ACSM1: variants seen among roughly 807,000 people sequenced by gnomAD.
The protein encoded by ACSM1 is acyl-CoA synthetase medium chain family member 1, also known as acyl-coenzyme A synthetase ACSM1, mitochondrial.
ACSM1 carries 79 observed loss-of-function variants against 75.8 expected under a neutral mutation model. The ratio of observed to expected loss-of-function variants is 1.04; its 90% CI spans 0.87 to 1.26. The LOEUF (loss-of-function observed/expected upper bound fraction) is 1.26, where lower values mean the gene tolerates loss of function less well. ACSM1 is among the 50% of genes most tolerant of loss of function. The pLI is 0.00. For missense variants in ACSM1, 676 were observed against 720.1 expected, an observed-to-expected ratio of 0.94 and a Z score of 0.70; for synonymous variants, 279 against 265.8, an observed-to-expected ratio of 1.05 and a Z score of -0.48.
intron 7 of ACSM1, among the ~76,000 whole-genome samples, chr16:20,658,194 A>C (rs928609544): frequency 5.9e-5 from 9 of 152,182 alleles, no homozygotes; most frequent in African/African-American, 1.4e-4. Context: ...CTGTCTTCCA[A>C]AATGGTTGAA....
rs867520261 is a variant in ACSM1 at position 20,685,828 on chromosome 16, A to C, written c.193-425T>G. 1.6e-4 allele frequency among the ~76,000 whole-genome samples: 17 copies of C among 107,338 alleles called. 2 individuals carry two copies. Among genetic ancestry groups the C allele is most frequent in the Non-Finnish European group, 3.2e-4 (15 of 46,582 alleles). The allele number at this position is 107,338 out of a possible 152,430, so 70.4% of individuals were successfully genotyped here. ...CAGTGAGACTCCGTCTCAAAAAAAAAAAACAAACAAAAAAAAAACAAAAAA... is the reference window on the plus strand; with the variant it reads ...CAGTGAGACTCCGTCTCAAAAAAAACAAACAAACAAAAAAAAAACAAAAAA... On this transcript the variant is annotated intron_variant, in intron 2 of 13. Transcript: ENST00000520010.
intron 4 of ACSM1, chr16:20,679,878 G>C (rs911144116): frequency 6.6e-6 from 1 of 152,108 alleles, no homozygotes; most frequent in African/African-American, 2.4e-5. Context: ...GAGAGTTATA[G>C]CTCGAACAAA....
At chr16:20,692,058 C>A (rs1206424105) in intron 1 of ACSM1, among the ~76,000 whole-genome samples, 1 of 152,182 alleles carries the variant, frequency 6.6e-6, no homozygotes, top group Admixed American at 6.5e-5. Flanking sequence ...CCAAAAGATT[C>A]TCCTTTGCCT....
rs2019330300 is a variant in ACSM1, at chr16:20,662,060, C to T, written c.913-187G>A. 2.0e-5 allele frequency among the ~76,000 whole-genome samples: 3 copies of T among 152,114 alleles called. 1 individual carries two copies. Among genetic ancestry groups the T allele is most frequent in the East Asian group, 3.8e-4 (2 of 5,202 alleles). ...TGCATCAGGTACTGTTGGGGAAATA[C>T]AAAAACGCAGATAACGTTCCAACTC... On this transcript the variant is annotated intron_variant, in intron 6 of 13. Coordinates refer to ENST00000520010, the MANE Select transcript of ACSM1 (RefSeq NM_001318890.3).
intron 4 of ACSM1, among the ~76,000 whole-genome samples, chr16:20,678,923 C>G (rs999512945): frequency 6.6e-6 from 1 of 152,102 alleles, no homozygotes; most frequent in African/African-American, 2.4e-5. Context: ...CCGGCCACCC[C>G]CCATCATCTG....
intron 7 of ACSM1, among the ~76,000 whole-genome samples, chr16:20,647,404 G>A (rs1263468490): frequency 3.3e-5 from 5 of 152,160 alleles, no homozygotes; most frequent in Admixed American, 3.3e-4. Context: ...CTGAATACAA[G>A]AGACCCTAAT....
chr16:20,637,784 C>T (rs1223044992), intron 8 of ACSM1, among the ~76,000 whole-genome samples: 1 of 152,192 alleles, frequency 6.6e-6, no homozygotes, highest in Non-Finnish European at 1.5e-5. Flanking sequence ...CACCATTGAA[C>T]AGGCATGTGT....
At chr16:20,670,479 C>A (rs538810682) in intron 5 of ACSM1, among the ~76,000 whole-genome samples, 2 of 152,222 alleles carry the variant, frequency 1.3e-5, no homozygotes, top group Non-Finnish European at 2.9e-5. Flanking sequence ...TCCAATCCAT[C>A]CTGCATCCTG....
chr16:20,672,862 A>G (rs2020035581), intron 4 of ACSM1, among the ~76,000 whole-genome samples: 1 of 130,272 alleles, frequency 7.7e-6, no homozygotes, highest in South Asian at 2.2e-4. Flanking sequence ...TATGTAATAT[A>G]TAATATATAA....
chr16:20,671,440 G>C (rs1396050083), intron 5 of ACSM1, 91 bp downstream of exon 5: 29 of 970,672 alleles, frequency 3.0e-5, no homozygotes, highest in Admixed American at 7.1e-5. Flanking sequence ...CCTTTCCCAA[G>C]ACACACACAC....
In ACSM1 at chr16:20,648,041, G is replaced by A. The variant is rs577936326; in HGVS notation, c.993-7457C>T. 6.6e-5 allele frequency among the ~76,000 whole-genome samples: 10 copies of A among 152,204 alleles called. No homozygotes were observed. Among genetic ancestry groups the A allele is most frequent in the East Asian group, 1.9e-4 (1 of 5,162 alleles). On this transcript the variant is annotated intron_variant, in intron 7 of 13. Coordinates refer to ENST00000520010, the MANE Select transcript of ACSM1 (RefSeq NM_001318890.3). This position sits in a 1 kb window ranked among gnomAD's most constrained non-coding sequence, Gnocchi z 4.2. Reference sequence around the variant, plus strand: ...CAGGAACTTTGCAGCCTCCACAGTCGCGATGGCCCCCTGCTCCCACTTTAC... The same window carrying A: ...CAGGAACTTTGCAGCCTCCACAGTCACGATGGCCCCCTGCTCCCACTTTAC...
chr16:20,682,550 A>G (rs1300154470), intron 3 of ACSM1, 87 bp from the exon 4 acceptor site: 2 of 1,038,608 alleles, frequency 1.9e-6, no homozygotes, highest in Non-Finnish European at 2.9e-6. Context: ...GAAATACCCT[A>G]ACTTCTTGTT....
At chr16:20,635,370 G>A (rs1049386594) in intron 10 of ACSM1, among the ~76,000 whole-genome samples, 5 of 152,070 alleles carry the variant, frequency 3.3e-5, no homozygotes, top group Admixed American at 6.6e-5. Flanking sequence ...ACTCCAGCTC[G>A]GTGACAGAGC....
intron 7 of ACSM1, among the ~76,000 whole-genome samples, chr16:20,652,100 C>G (rs1348502493): frequency 1.3e-5 from 2 of 151,968 alleles, no homozygotes; most frequent in African/African-American, 4.8e-5. Context: ...AAGTAAACAC[C>G]TCAAATTCAC....
Position 20,637,392 on chromosome 16 carries a change from G to A in ACSM1, c.1176C>T (p.Ala392=). 1.9e-6 allele frequency: 3 copies of A among 1,614,078 alleles called. No individual in the cohort carries two copies. The highest frequency in any genetic ancestry group is 2.5e-6 in the Non-Finnish European group (3 of 1,179,962). Residue 392 remains alanine (A), a synonymous_variant, in exon 9 of 14, where the codon GCC becomes GCT. Coordinates refer to ENST00000520010, the MANE Select transcript of ACSM1 (RefSeq NM_001318890.3). ...MKIKPGFMGK[A]TPPYDVQVID... is the part of the protein sequence containing the mutation. ...AGACCTGGACGTCGTAGGGTGGAGT[G>A]GCCTTCCCCATGAAACCCGGCTTGA...
intron 6 of ACSM1, among the ~76,000 whole-genome samples, chr16:20,668,802 T>G (rs748984180): frequency 6.6e-6 from 1 of 152,064 alleles, no homozygotes. Flanking sequence ...AAGTTTGGTA[T>G]TAAGGTGGAA....
intron 10 of ACSM1, among the ~76,000 whole-genome samples, chr16:20,635,599 TCTTTCTTTCTTTC>T (rs1407055752): frequency 1.8e-5 from 1 of 55,174 alleles, no homozygotes; most frequent in Non-Finnish European, 3.2e-5. Flanking sequence ...TTTCTTTCTT[TCTTTCTTTCTTTC>T]TTTCTTTCTT....
intron 4 of ACSM1, chr16:20,674,892 G>A (rs1186744614): frequency 1.3e-5 from 2 of 152,220 alleles, no homozygotes; most frequent in Admixed American, 6.5e-5. Flanking sequence ...TCACCTCCCA[G>A]GGACCAACCA....
At chr16:20,679,256 T>C (rs1379462113) in intron 4 of ACSM1, 2 of 152,248 alleles carry the variant, frequency 1.3e-5, no homozygotes, top group African/African-American at 4.8e-5. Context: ...AGACCCTGAT[T>C]GCCCCACCCG....
Sources: gnomAD v4.1 joint callset for allele counts (sites outside exome capture counted in the v4.1 genomes callset) on GRCh38, gnomAD v4.1.1 for gene constraint, Gnocchi (gnomAD v3.1) non-coding constraint, MANE v1.5 for transcripts, NCBI Gene and HGNC (gene_info 2026-07-23, HGNC 2026-07-21) for gene names.